The following SLC35F4 variants were observed in gnomAD, a reference collection of about 807,000 sequenced individuals.
SLC35F4 encodes the protein chromosome 14 open reading frame 36.
In SLC35F4, 24 loss-of-function variants were observed where a neutral mutation model predicts 44.2. The ratio of observed to expected loss-of-function variants is 0.54; its 90% CI spans 0.39 to 0.76. SLC35F4 has a LOEUF of 0.76. Ranked by LOEUF, SLC35F4 falls within the 30% of genes least tolerant of loss-of-function variation. SLC35F4 has a pLI of 0.00. For synonymous variants in SLC35F4, 238 were observed against 223.6 expected (o/e 1.06, Z -0.57); for missense variants, 562 against 586.1 (o/e 0.96, Z 0.42).
intron 1 of SLC35F4, among the ~76,000 whole-genome samples, chr14:57,967,623 G>T (rs545899597): frequency 6.6e-6 from 1 of 152,280 alleles, no homozygotes; most frequent in South Asian, 2.1e-4. Context: ...CTTGAAATAG[G>T]TATTATTATC....
chr14:57,748,290 A>G (rs1444086063), intron 1 of SLC35F4, among the ~76,000 whole-genome samples: 1 of 152,108 alleles, frequency 6.6e-6, no homozygotes, highest in Non-Finnish European at 1.5e-5. Context: ...GACAATCCAG[A>G]TGGTGTGTAT....
chr14:57,916,539 T>A (rs1485359557), intron 1 of SLC35F4, among the ~76,000 whole-genome samples: 1 of 152,174 alleles, frequency 6.6e-6, no homozygotes, highest in African/African-American at 2.4e-5. Context: ...TGGGGGGAAA[T>A]TCTTAGTCAT....
At chr14:57,659,964 G>A (rs187863942) in intron 1 of SLC35F4, among the ~76,000 whole-genome samples, 1 of 152,304 alleles carries the variant, frequency 6.6e-6, no homozygotes, top group East Asian at 1.9e-4. Context: ...GCACAGTTTT[G>A]CAAATTAGTA....
chr14:57,591,956 A>G (rs1263569289), intron 2 of SLC35F4, among the ~76,000 whole-genome samples: 5 of 152,190 alleles, frequency 3.3e-5, no homozygotes, highest in African/African-American at 1.2e-4. Flanking sequence ...ACCAATAGTC[A>G]CCTACACCTT....
chr14:57,769,746 A>T (rs556993309), intron 1 of SLC35F4, among the ~76,000 whole-genome samples: 1 of 152,356 alleles, frequency 6.6e-6, no homozygotes, highest in East Asian at 1.9e-4. Context: ...GATACTTTAT[A>T]CAATGTTTCT....
At chr14:57,880,901 A>G (rs761998107) in intron 1 of SLC35F4, among the ~76,000 whole-genome samples, 1 of 152,230 alleles carries the variant, frequency 6.6e-6, no homozygotes, top group African/African-American at 2.4e-5. Flanking sequence ...TTTCTAAAGG[A>G]TTCGTTCATA....
intron 1 of SLC35F4, among the ~76,000 whole-genome samples, chr14:57,877,077 G>A (rs1032636747): frequency 1.3e-5 from 2 of 151,886 alleles, no homozygotes; most frequent in South Asian, 2.1e-4. Context: ...CGTGTCACAC[G>A]GGTTCACGGT....
At chr14:57,814,802 C>T (rs1359978024) in intron 1 of SLC35F4, among the ~76,000 whole-genome samples, 3 of 152,082 alleles carry the variant, frequency 2.0e-5, no homozygotes, top group Admixed American at 6.5e-5. Flanking sequence ...TGTGATGCAG[C>T]GAACATAAAT....
In SLC35F4 at chr14:57,569,808, CCA is replaced by C. The variant is rs769490386; in HGVS notation, c.1104_1105del (p.Cys368TrpfsTer70). ...CTTACCCAGCCACAGCCCTGCCATC[CCA>C]CAGAGACAGCCCCATGGCAGAGCAG... is the stretch of plus-strand genomic sequence containing the variant. On this transcript the variant is annotated frameshift_variant, in exon 6 of 8. Coordinates refer to ENST00000556826, the MANE Select transcript of SLC35F4 (RefSeq NM_001306087.2). LOFTEE classifies it high-confidence loss of function. 8 of 1,604,590 alleles carry C rather than the reference CCA, an allele frequency of 5.0e-6. No individual in the cohort carries two copies. Among genetic ancestry groups the C allele is most frequent in the Non-Finnish European group, 6.8e-6 (8 of 1,176,456 alleles).
intron 1 of SLC35F4, among the ~76,000 whole-genome samples, chr14:57,704,516 A>G (rs368965945): frequency 1.3e-5 from 2 of 152,062 alleles, no homozygotes; most frequent in Non-Finnish European, 1.5e-5. Flanking sequence ...TGAGGACCCT[A>G]TGGTTACTAT....
chr14:57,842,886 A>T (rs897835626), intron 1 of SLC35F4, among the ~76,000 whole-genome samples: 10 of 152,268 alleles, frequency 6.6e-5, no homozygotes, highest in East Asian at 5.8e-4. Flanking sequence ...GCACCACCTA[A>T]TCAGCTGTCA....
intron 1 of SLC35F4, among the ~76,000 whole-genome samples, chr14:57,767,404 G>A (rs1033918692): frequency 1.3e-5 from 2 of 152,068 alleles, no homozygotes; most frequent in Admixed American, 1.3e-4. Flanking sequence ...GAAAGAAAAT[G>A]ACATAATCTC....
At chr14:57,972,296 T>C (rs1238258735), downstream of SLC35F4, among the ~76,000 whole-genome samples, 4 of 152,250 alleles carry the variant, frequency 2.6e-5, no homozygotes, top group East Asian at 5.8e-4. Flanking sequence ...AGCAGATTGC[T>C]CTGGAGGCTA....
intron 1 of SLC35F4, among the ~76,000 whole-genome samples, chr14:57,709,386 A>C (rs1447575273): frequency 2.0e-5 from 3 of 152,052 alleles, no homozygotes; most frequent in African/African-American, 7.2e-5. Flanking sequence ...CTCAGCTCCT[A>C]TCTCTGTATG....
chr14:57,958,765 AAC>A (rs1890289192), intron 1 of SLC35F4, among the ~76,000 whole-genome samples: 1 of 152,214 alleles, frequency 6.6e-6, no homozygotes, highest in Non-Finnish European at 1.5e-5. Flanking sequence ...GAAGACTTAG[AAC>A]TCTCATACAT....
chr14:57,715,563 A>T (rs1382111321), intron 1 of SLC35F4, among the ~76,000 whole-genome samples: 2 of 152,208 alleles, frequency 1.3e-5, no homozygotes, highest in Non-Finnish European at 2.9e-5. Flanking sequence ...CAATGACAAG[A>T]CAAAGGGTAT....
chr14:57,601,200 A>T (rs1045395432), intron 1 of SLC35F4, among the ~76,000 whole-genome samples: 3 of 151,788 alleles, frequency 2.0e-5, no homozygotes, highest in Non-Finnish European at 4.4e-5. Context: ...CTTGCTTATT[A>T]TCTTATTATA....
chr14:57,643,628 T>A (rs1160848741), intron 1 of SLC35F4, among the ~76,000 whole-genome samples: 1 of 152,174 alleles, frequency 6.6e-6, no homozygotes, highest in Non-Finnish European at 1.5e-5. Context: ...AATTTTATTA[T>A]TGTTATACTT....
intron 1 of SLC35F4, among the ~76,000 whole-genome samples, chr14:57,757,988 G>A (rs1193231978): frequency 7.0e-6 from 1 of 143,042 alleles, no homozygotes; most frequent in Non-Finnish European, 1.5e-5. Context: ...TCTGGGTATA[G>A]GATTATAGGT....
Sources: allele counts gnomAD v4.1 joint callset (sites outside exome capture counted in the v4.1 genomes callset), GRCh38; gene constraint gnomAD v4.1.1; transcripts MANE v1.5; gene names NCBI Gene and HGNC (gene_info 2026-07-23, HGNC 2026-07-21).